Variants in G2E3 observed in about 807,000 individuals in gnomAD.
The protein encoded by G2E3 is G2/M-phase specific E3 ubiquitin protein ligase.
Under a neutral mutation model 92.8 loss-of-function variants are expected in G2E3, and 35 were observed. The observed-to-expected ratio is 0.38, with a 90% CI of 0.29 to 0.50. The LOEUF is 0.50. G2E3 is among the 20% of genes least tolerant of loss of function. The pLI is 0.94. For synonymous variants in G2E3, 242 were observed against 272.4 expected (o/e 0.89, Z 1.10); for missense variants, 554 against 823.8 (o/e 0.67, Z 4.01).
In G2E3 at chr14:30,617,297, G is replaced by C. The variant is rs1006482553; in HGVS notation, c.*763G>C. The C allele has an allele frequency of 4.0e-5, 6 of 151,898 alleles. No homozygotes were observed. The highest frequency in any genetic ancestry group is 1.4e-4 in the African/African-American group (6 of 41,402). The allele number at this position is 151,898 out of a possible 1,614,324, so 9.4% of individuals were successfully genotyped here. ...TTGCACAAATTTTCTGGAATCTATGGACATTCCATGAGCTTAAACACTTTT... is the reference window on the plus strand; with the variant it reads ...TTGCACAAATTTTCTGGAATCTATGCACATTCCATGAGCTTAAACACTTTT... On this transcript the variant is annotated 3_prime_UTR_variant, in exon 15 of 15. Coordinates refer to ENST00000206595, the MANE Select transcript of G2E3 (RefSeq NM_017769.5).
intron 1 of G2E3, among the ~76,000 whole-genome samples, chr14:30,569,705 C>T (rs1290102806): frequency 1.3e-5 from 2 of 152,060 alleles, no homozygotes; most frequent in African/African-American, 4.8e-5. Context: ...TGGAATAAGA[C>T]CTGCCCACGA....
intron 4 of G2E3, among the ~76,000 whole-genome samples, chr14:30,591,149 C>CT (rs1880989581): frequency 6.6e-6 from 1 of 152,090 alleles, no homozygotes; most frequent in Admixed American, 6.6e-5. Context: ...AAAGAAGAGT[C>CT]TCATTTGTGA....
intron 1 of G2E3, among the ~76,000 whole-genome samples, chr14:30,567,557 TCTAA>T (rs1412753426): frequency 6.6e-6 from 1 of 151,994 alleles, no homozygotes; most frequent in African/African-American, 2.4e-5. Context: ...CTCTGGGTCA[TCTAA>T]CTAAACGTTT....
intron 2 of G2E3, among the ~76,000 whole-genome samples, chr14:30,582,034 C>T (rs1880463995): frequency 6.6e-6 from 1 of 152,152 alleles, no homozygotes; most frequent in Non-Finnish European, 1.5e-5. Context: ...AATTTATGCT[C>T]CTAAACCTCT....
rs1310945249 is a variant in G2E3 at position 30,596,291 on chromosome 14, ACT to A, written c.529-1125_529-1124del. 2.0e-5 allele frequency among the ~76,000 whole-genome samples: 3 copies of A among 151,650 alleles called. No individual in the cohort carries two copies. In the East Asian group the frequency reaches 5.8e-4, roughly 29 times the overall value. On this transcript the variant is annotated intron_variant, in intron 6 of 14. Transcript: ENST00000206595. ...TGTGTATCCTTTTTATTGTAATCCT[ACT>A]CTCACTGCTTTAATTTCAGACACTC...
Position 30,612,324 on chromosome 14 carries a change from G to A in G2E3, c.1618G>A (p.Val540Ile). ...GACATTAAGTGATAAATATATGTTA[G>A]TAAAAGACATACTTGGCTACCATGT... ...ITTLSDKYML[V>I]KDILGYHVIQ... Residue 540 changes from valine (V) to isoleucine (I), a missense_variant, in exon 13 of 15, where the codon GTA becomes ATA. Coordinates refer to ENST00000206595, the MANE Select transcript of G2E3 (RefSeq NM_017769.5). 6.2e-7 allele frequency: 1 copy of A among 1,607,456 alleles called. No homozygotes were observed.
At chr14:30,602,391 G>C (rs1342291531) in intron 10 of G2E3, among the ~76,000 whole-genome samples, 2 of 75,184 alleles carry the variant, frequency 2.7e-5, no homozygotes, top group Non-Finnish European at 4.5e-5. Context: ...TCATACGTGG[G>C]AAAAGTGTAT....
chr14:30,615,797 CATT>C (rs1882286531), intron 14 of G2E3, among the ~76,000 whole-genome samples: 1 of 152,002 alleles, frequency 6.6e-6, no homozygotes, highest in Non-Finnish European at 1.5e-5. Flanking sequence ...TTCTAGAAAA[CATT>C]ATTGTCACCG....
chr14:30,568,063 G>A (rs560183858), intron 1 of G2E3, among the ~76,000 whole-genome samples: 13 of 152,134 alleles, frequency 8.5e-5, no homozygotes, highest in African/African-American at 2.9e-4. Context: ...TTTCATTTCT[G>A]TCAAATTTTG....
intron 2 of G2E3, among the ~76,000 whole-genome samples, chr14:30,585,008 T>TC (rs1270868476): frequency 1.3e-5 from 2 of 150,732 alleles, no homozygotes; most frequent in Non-Finnish European, 3.0e-5. Flanking sequence ...ATTTTTGTAT[T>TC]TTTTTTTAGT....
At chr14:30,587,228 C>T (rs887320586) in intron 3 of G2E3, among the ~76,000 whole-genome samples, 1 of 151,986 alleles carries the variant, frequency 6.6e-6, no homozygotes. Flanking sequence ...TGAAAAGAAA[C>T]GTCTTGGCTA....
chr14:30,566,981 A>G (rs1879476238), intron 1 of G2E3, among the ~76,000 whole-genome samples: 2 of 152,086 alleles, frequency 1.3e-5, no homozygotes, highest in South Asian at 2.1e-4. Context: ...GGTATATTAT[A>G]TTGGTTGATT....
At chr14:30,560,121 T>C (rs1278119274) in intron 1 of G2E3, 1 of 151,702 alleles carries the variant, frequency 6.6e-6, no homozygotes, top group Non-Finnish European at 1.5e-5. Flanking sequence ...CTTTTTTTTT[T>C]TTAATTTTTA....
chr14:30,612,036 T>C (rs886608567), intron 12 of G2E3, 171 bp from the exon 13 acceptor site: 3 of 533,718 alleles, frequency 5.6e-6, no homozygotes, highest in African/African-American at 1.9e-5. Flanking sequence ...ATAGACAAAT[T>C]TGTTGAACTG....
chr14:30,607,856 T>A (rs756108126), intron 11 of G2E3, 32 bp from the exon 12 acceptor site: 2 of 1,159,926 alleles, frequency 1.7e-6, no homozygotes, highest in Non-Finnish European at 2.5e-6. Flanking sequence ...ATAATAGAAG[T>A]GTATTTGATA....
At chr14:30,609,981 G>A (rs911124345) in intron 12 of G2E3, among the ~76,000 whole-genome samples, 4 of 152,090 alleles carry the variant, frequency 2.6e-5, no homozygotes, top group African/African-American at 7.2e-5. Flanking sequence ...TCTTATTTGG[G>A]ATGATTCTTC....
At chr14:30,567,576 T>C (rs1879514548) in intron 1 of G2E3, among the ~76,000 whole-genome samples, 1 of 152,032 alleles carries the variant, frequency 6.6e-6, no homozygotes, top group African/African-American at 2.4e-5. Flanking sequence ...ACGTTTTCAA[T>C]TTTGTCGATC....
At chr14:30,594,774 A>C (rs908297751) in intron 6 of G2E3, among the ~76,000 whole-genome samples, 1 of 151,186 alleles carries the variant, frequency 6.6e-6, no homozygotes, top group Non-Finnish European at 1.5e-5. Context: ...AGTTTGACTG[A>C]TACCTTTTTT....
At chr14:30,569,835 G>A (rs1381729983) in intron 1 of G2E3, among the ~76,000 whole-genome samples, 1 of 152,160 alleles carries the variant, frequency 6.6e-6, no homozygotes, top group African/African-American at 2.4e-5. Flanking sequence ...GCAACTTCCA[G>A]AAGAAATTCC....
Sources: gnomAD v4.1 joint callset for allele counts (sites outside exome capture counted in the v4.1 genomes callset) on GRCh38, gnomAD v4.1.1 for gene constraint, MANE v1.5 for transcripts, NCBI Gene and HGNC (gene_info 2026-07-23, HGNC 2026-07-21) for gene names.